CADM1: variants seen among roughly 807,000 people sequenced by gnomAD.
CADM1 encodes the protein TSLC-1.
Under a neutral mutation model 53.1 loss-of-function variants are expected in CADM1, and 15 were observed. That is an observed-to-expected ratio of 0.28 (90% CI 0.19 to 0.44). The LOEUF (loss-of-function observed/expected upper bound fraction) is 0.44. CADM1 is among the 20% of genes least tolerant of loss of function. CADM1 has a pLI of 1.00. For missense variants in CADM1, 434 were observed against 611.3 expected, an observed-to-expected ratio of 0.71 and a Z score of 3.06; for synonymous variants, 281 against 243.0, an observed-to-expected ratio of 1.16 and a Z score of -1.45.
At position 115,463,962 on chromosome 11, in the gene CADM1, T is replaced by C. The variant is rs73581176; in HGVS notation, c.124+40309A>G. ...ATTTTTCTCCCAATTTTGGCCCAATTGCCACTTGCAAGAAATGCTATATTA... is the reference window on the plus strand; with the variant it reads ...ATTTTTCTCCCAATTTTGGCCCAATCGCCACTTGCAAGAAATGCTATATTA... On this transcript the variant is annotated intron_variant, in intron 1 of 11. Coordinates refer to ENST00000331581, the MANE Select transcript of CADM1 (RefSeq NM_001301043.2). Among the ~76,000 whole-genome samples, 843 of 152,224 alleles carry C rather than the reference T, an allele frequency of 5.5e-3. 5 individuals carry two copies. Among genetic ancestry groups the C allele is most frequent in the African/African-American group, 0.02 (816 of 41,538 alleles).
chr11:115,255,098 G>A lies in CADM1; in HGVS notation c.125-14678C>T, dbSNP rs1402614764. Among the ~76,000 whole-genome samples, 4 of 152,230 alleles carry A rather than the reference G, an allele frequency of 2.6e-5. 1 individual carries two copies. The Middle Eastern group carries it at 0.014, about 518-fold the overall frequency. ...AGGAGAAGGAAAAGAGAGTGAGCAG[G>A]AGTCGAGAATACTTCAGAGGTCAGG... On this transcript the variant is annotated intron_variant, in intron 1 of 11. Transcript: ENST00000331581.
At chr11:115,344,878 A>C (rs1945537965) in intron 1 of CADM1, among the ~76,000 whole-genome samples, 1 of 152,164 alleles carries the variant, frequency 6.6e-6, no homozygotes, top group Non-Finnish European at 1.5e-5. Flanking sequence ...CTACAGATAA[A>C]ATAAAAATAT....
At chr11:115,407,569 A>G (rs1301027979) in intron 1 of CADM1, among the ~76,000 whole-genome samples, 1 of 152,174 alleles carries the variant, frequency 6.6e-6, no homozygotes, top group Non-Finnish European at 1.5e-5. Context: ...TTTTATTTCA[A>G]ATTTAACTTC....
At chr11:115,406,546 G>A (rs2135232800) in intron 1 of CADM1, among the ~76,000 whole-genome samples, 1 of 147,476 alleles carries the variant, frequency 6.8e-6, no homozygotes, top group African/African-American at 2.5e-5. Context: ...ATTATATAAT[G>A]TAATACTTAT....
intron 1 of CADM1, among the ~76,000 whole-genome samples, chr11:115,413,588 G>GGTAGTAAA (rs1277965087): frequency 4.0e-5 from 6 of 151,384 alleles, no homozygotes; most frequent in Non-Finnish European, 7.4e-5. Flanking sequence ...TGATCACACA[G>GGTAGTAAA]GTAGTAAAGG....
chr11:115,277,117 G>T (rs985902503), intron 1 of CADM1, among the ~76,000 whole-genome samples: 1 of 152,300 alleles, frequency 6.6e-6, no homozygotes, highest in Admixed American at 6.5e-5. Context: ...ACATATTGCT[G>T]ACCAGCAACA....
intron 1 of CADM1, among the ~76,000 whole-genome samples, chr11:115,437,329 C>T (rs879524693): frequency 2.6e-5 from 4 of 152,034 alleles, no homozygotes; most frequent in Admixed American, 1.3e-4. Context: ...AAGGAGAAAA[C>T]GGGGAAGACA....
intron 5 of CADM1, among the ~76,000 whole-genome samples, chr11:115,220,107 C>A (rs1431455291): frequency 6.6e-6 from 1 of 152,072 alleles, no homozygotes; most frequent in Non-Finnish European, 1.5e-5. Flanking sequence ...TGACTTTGGC[C>A]ATTAATTAAG....
chr11:115,280,186 G>A (rs1255187829), intron 1 of CADM1, among the ~76,000 whole-genome samples: 1 of 152,234 alleles, frequency 6.6e-6, no homozygotes, highest in East Asian at 1.9e-4. Flanking sequence ...ACAGTGTGGT[G>A]TGTACAGGAA....
At chr11:115,367,111 G>A (rs1198802486) in intron 1 of CADM1, among the ~76,000 whole-genome samples, 2 of 152,236 alleles carry the variant, frequency 1.3e-5, no homozygotes, top group Admixed American at 6.5e-5. Flanking sequence ...CTACTCCAGA[G>A]GCTGAGGCAG....
At chr11:115,320,903 AG>A (rs1238039799) in intron 1 of CADM1, among the ~76,000 whole-genome samples, 2 of 152,194 alleles carry the variant, frequency 1.3e-5, no homozygotes, top group African/African-American at 2.4e-5. Context: ...TTATTTTACT[AG>A]AATTCCAAAT....
intron 1 of CADM1, among the ~76,000 whole-genome samples, chr11:115,271,352 G>A (rs1400745288): frequency 1.3e-5 from 2 of 151,992 alleles, no homozygotes; most frequent in Non-Finnish European, 2.9e-5. Flanking sequence ...GTGCCATCTC[G>A]GCTCACTGCA....
chr11:115,426,583 C>A (rs1442185823), intron 1 of CADM1, among the ~76,000 whole-genome samples: 4 of 152,146 alleles, frequency 2.6e-5, no homozygotes, highest in Non-Finnish European at 5.9e-5. Context: ...CGCAGAAACA[C>A]CTGTGGCTGG....
chr11:115,380,684 T>C (rs1006175293), intron 1 of CADM1, among the ~76,000 whole-genome samples: 2 of 152,124 alleles, frequency 1.3e-5, no homozygotes, highest in African/African-American at 4.8e-5. Flanking sequence ...TTTTTAGTAA[T>C]AGCTAAAGAG....
intron 1 of CADM1, among the ~76,000 whole-genome samples, chr11:115,390,277 G>C (rs1307743908): frequency 6.6e-6 from 1 of 152,028 alleles, no homozygotes; most frequent in African/African-American, 2.4e-5. Context: ...ATATGTTCAA[G>C]CTGAAATTCT....
intron 1 of CADM1, among the ~76,000 whole-genome samples, chr11:115,460,236 C>G (rs1010017198): frequency 1.3e-5 from 2 of 152,164 alleles, no homozygotes; most frequent in Non-Finnish European, 2.9e-5. Context: ...CGCACACCCA[C>G]CCTTTTAATT....
chr11:115,295,506 T>TTTTA (rs1489851434), intron 1 of CADM1, among the ~76,000 whole-genome samples: 57 of 55,034 alleles, frequency 1.0e-3, no homozygotes, highest in Non-Finnish European at 1.3e-3. Context: ...TCAAGATATT[T>TTTTA]TATATATATA....
At chr11:115,178,615 C>T (rs1207947067) in intron 11 of CADM1, 29 bp downstream of exon 11, 18 of 1,610,464 alleles carry the variant, frequency 1.1e-5, no homozygotes, top group Middle Eastern at 1.7e-4. Context: ...TGGGGACACG[C>T]TGCTTCTGTC....
At chr11:115,489,966 T>C (rs1358791525) in intron 1 of CADM1, among the ~76,000 whole-genome samples, 1 of 152,068 alleles carries the variant, frequency 6.6e-6, no homozygotes, top group African/African-American at 2.4e-5. Context: ...ACTCTGGTAG[T>C]CCTAAAGCAA....
Sources: allele counts gnomAD v4.1 joint callset (sites outside exome capture counted in the v4.1 genomes callset), GRCh38; gene constraint gnomAD v4.1.1; transcripts MANE v1.5; gene names NCBI Gene and HGNC (gene_info 2026-07-23, HGNC 2026-07-21).